The following DLGAP2 variants were observed in gnomAD, a reference collection of about 807,000 sequenced individuals.
The protein encoded by DLGAP2 is DLG associated protein 2.
A neutral mutation model predicts 100.3 loss-of-function variants in DLGAP2; 26 were observed. The ratio of observed to expected loss-of-function variants is 0.26; its 90% CI spans 0.19 to 0.36. The LOEUF is 0.36. Ranked by LOEUF, DLGAP2 falls within the 10% of genes least tolerant of loss-of-function variation. DLGAP2 has a pLI of 1.00. For synonymous variants in DLGAP2, 886 were observed against 630.1 expected, an observed-to-expected ratio of 1.41 and a Z score of -6.08; for missense variants, 1,858 against 1,453.2, an observed-to-expected ratio of 1.28 and a Z score of -4.53.
At chr8:1,638,120 C>T (rs1797812549) in intron 8 of DLGAP2, among the ~76,000 whole-genome samples, 1 of 152,156 alleles carries the variant, frequency 6.6e-6, no homozygotes, top group Admixed American at 6.5e-5. Flanking sequence ...AGTACTTGCA[C>T]CTGCAGAATT....
intron 6 of DLGAP2, among the ~76,000 whole-genome samples, chr8:1,617,133 T>C (rs1797181780): frequency 6.6e-6 from 1 of 152,242 alleles, no homozygotes; most frequent in Admixed American, 6.5e-5. Flanking sequence ...CTGTCTACCA[T>C]TGATGGGCAT....
chr8:850,851 T>G (rs1215487706), intron 1 of DLGAP2, among the ~76,000 whole-genome samples: 6 of 152,132 alleles, frequency 3.9e-5, no homozygotes, highest in South Asian at 2.1e-4. Context: ...TTTAAAGAAT[T>G]CAGAGGTAAG....
At chr8:782,702 C>G (rs28625819) in intron 1 of DLGAP2, among the ~76,000 whole-genome samples, 3 of 152,032 alleles carry the variant, frequency 2.0e-5, no homozygotes, top group African/African-American at 7.2e-5. Context: ...ACCTGTTTTT[C>G]TCTACTCATC....
At chr8:1,107,636 T>C (rs1362957642) in intron 2 of DLGAP2, among the ~76,000 whole-genome samples, 2 of 152,232 alleles carry the variant, frequency 1.3e-5, no homozygotes, top group Non-Finnish European at 2.9e-5. Context: ...GTGTGACGTG[T>C]GCCTGGAAGG....
Position 1,491,354 on chromosome 8 carries a change from C to CGCTCCCCCTGACCCCAGAGGCTTCGGGCG in DLGAP2, c.107-9997_107-9996insAGAGGCTTCGGGCGGCTCCCCCTGACCCC, listed in dbSNP as rs1563180253. Among the ~76,000 whole-genome samples, 38 of 152,212 alleles carry CGCTCCCCCTGACCCCAGAGGCTTCGGGCG rather than the reference C, an allele frequency of 2.5e-4. 1 individual carries two copies. In the East Asian group the frequency reaches 6.0e-3, roughly 24 times the overall value. ...GCTCCTGACCCCGGAGGCTTCGGGC[C>CGCTCCCCCTGACCCCAGAGGCTTCGGGCG]GCTCCCCCTGACCCCGGAGGCTTCG... On this transcript the variant is annotated intron_variant, in intron 3 of 14. Coordinates refer to ENST00000637795, the MANE Select transcript of DLGAP2 (RefSeq NM_001346810.2).
chr8:795,764 G>A lies in DLGAP2; in HGVS notation c.18+57939G>A, dbSNP rs71514202. On this transcript the variant is annotated intron_variant, in intron 1 of 14. Transcript: ENST00000637795. ...CAGTGAGAACAGGCGTCCAGTGAGA[G>A]CAGGCGTCCAGTGAGAGCAGGCGTC... is the stretch of plus-strand genomic sequence containing the variant. Among the ~76,000 whole-genome samples, 216 of 129,528 alleles carry A rather than the reference G, an allele frequency of 1.7e-3. 6 individuals are homozygous for A. Among genetic ancestry groups the A allele is most frequent in the African/African-American group, 3.5e-3 (113 of 32,620 alleles). The allele number at this position is 129,528 out of a possible 152,430, so 85.0% of individuals were successfully genotyped here.
chr8:1,135,503 G>GTTTTTTTTTTTTTTTTTTTT (rs3080806), intron 2 of DLGAP2, among the ~76,000 whole-genome samples: 7 of 92,236 alleles, frequency 7.6e-5, no homozygotes, highest in East Asian at 3.8e-4. Context: ...TTTTTTGTGG[G>GTTTTTTTTTTTTTTTTTTTT]TTTTTTTTTT....
At chr8:1,159,474 C>A (rs1218349501) in intron 2 of DLGAP2, among the ~76,000 whole-genome samples, 2 of 152,282 alleles carry the variant, frequency 1.3e-5, no homozygotes, top group Non-Finnish European at 2.9e-5. Flanking sequence ...ATCAGAGTTC[C>A]TTACGTATGG....
At chr8:833,665 G>A (rs191354072) in intron 1 of DLGAP2, among the ~76,000 whole-genome samples, 157 of 152,306 alleles carry the variant, frequency 1.0e-3, no homozygotes, top group Non-Finnish European at 1.9e-3. Context: ...CCTCTGCCAC[G>A]TGAGGTCACC....
At chr8:791,147 C>T (rs1822016520) in intron 1 of DLGAP2, among the ~76,000 whole-genome samples, 1 of 152,172 alleles carries the variant, frequency 6.6e-6, no homozygotes, top group Admixed American at 6.5e-5. Context: ...AATGCAAGCA[C>T]ATTGCAGAAA....
intron 1 of DLGAP2, among the ~76,000 whole-genome samples, chr8:761,854 G>A (rs1195565695): frequency 6.6e-6 from 1 of 152,234 alleles, no homozygotes; most frequent in Non-Finnish European, 1.5e-5. Context: ...ACACCCTGCG[G>A]AGGAGGCCCT....
chr8:1,672,302 T>G (rs1480607000), intron 10 of DLGAP2, among the ~76,000 whole-genome samples: 1 of 151,094 alleles, frequency 6.6e-6, no homozygotes, highest in East Asian at 2.0e-4. Context: ...CTCAGGTCAC[T>G]GCAGCCTCCG....
intron 3 of DLGAP2, among the ~76,000 whole-genome samples, chr8:1,303,193 C>G (rs1251151687): frequency 2.6e-5 from 4 of 152,108 alleles, no homozygotes; most frequent in Non-Finnish European, 5.9e-5. Flanking sequence ...GTCAGGAGCT[C>G]AAGACCATCC....
chr8:1,276,045 AATAT>A lies in DLGAP2; in HGVS notation c.106+17166_106+17169del, dbSNP rs1161105466. Among the ~76,000 whole-genome samples the A allele has an allele frequency of 5.7e-5, 8 of 139,338 alleles. No individual in the cohort carries two copies. In the South Asian group the frequency reaches 1.3e-3, roughly 22 times the overall value. 91.4% of individuals were successfully genotyped at this position (139,338 alleles called of 152,430 possible). A position where few individuals can be genotyped will look rare whatever the true frequency, so the allele number is the denominator to read the frequency against. On this transcript the variant is annotated intron_variant, in intron 3 of 14. Transcript: ENST00000637795. ...TATAAATAAATATATAACGTATAAA[AATAT>A]ATAATATATAAAAATAAATATATAA...
chr8:1,194,414 G>A (rs192784022), intron 2 of DLGAP2, among the ~76,000 whole-genome samples: 23 of 152,284 alleles, frequency 1.5e-4, no homozygotes, highest in African/African-American at 4.3e-4. Context: ...TGTCTAGGCA[G>A]AGCTGGAGGC....
At chr8:1,303,367 A>G (rs1334734516) in intron 3 of DLGAP2, among the ~76,000 whole-genome samples, 1 of 147,940 alleles carries the variant, frequency 6.8e-6, no homozygotes, top group Non-Finnish European at 1.5e-5. Context: ...ACCGCACTCC[A>G]GCCTGGGCGA....
chr8:1,302,802 C>T (rs1302741598), intron 3 of DLGAP2, among the ~76,000 whole-genome samples: 4 of 152,270 alleles, frequency 2.6e-5, no homozygotes, highest in African/African-American at 9.6e-5. Context: ...CTTGGCTCTT[C>T]CCCTCGCCCC....
chr8:1,506,585 C>T (rs1799927607), intron 4 of DLGAP2, among the ~76,000 whole-genome samples: 2 of 152,180 alleles, frequency 1.3e-5, no homozygotes, highest in Non-Finnish European at 2.9e-5. Context: ...TAAGCATCCA[C>T]ACTGCCCAAG....
At chr8:777,273 C>T (rs1241637532) in intron 1 of DLGAP2, among the ~76,000 whole-genome samples, 1 of 150,538 alleles carries the variant, frequency 6.6e-6, no homozygotes, top group South Asian at 2.1e-4. Flanking sequence ...TTCCTGAATA[C>T]AGCACACTGA....
Sources: allele counts gnomAD v4.1 joint callset (sites outside exome capture counted in the v4.1 genomes callset), GRCh38; gene constraint gnomAD v4.1.1; transcripts MANE v1.5; gene names NCBI Gene and HGNC (gene_info 2026-07-23, HGNC 2026-07-21).